The following ATP6V1G3 variants were observed in gnomAD, a reference collection of about 807,000 sequenced individuals.
ATP6V1G3 encodes the protein V-type proton ATPase subunit G 3.
A neutral mutation model predicts 9.3 loss-of-function variants in ATP6V1G3; 9 were observed. That is an observed-to-expected ratio of 0.97 (90% CI 0.59 to 1.69). ATP6V1G3 has a LOEUF of 1.69. Ranked by LOEUF, ATP6V1G3 falls within the 40% of genes most tolerant of loss-of-function variation. The pLI is 0.00. For synonymous variants in ATP6V1G3, 43 were observed against 43.8 expected, an observed-to-expected ratio of 0.98 and a Z score of 0.07; for missense variants, 133 against 139.0, an observed-to-expected ratio of 0.96 and a Z score of 0.22.
rs755062618 is a variant in ATP6V1G3, at chr1:198,540,629, T to C, written c.22A>G (p.Ile8Val). The C allele has an allele frequency of 7.4e-6, 12 of 1,613,978 alleles. No homozygotes were observed. Among genetic ancestry groups the C allele is most frequent in the Non-Finnish European group, 1.0e-5 (12 of 1,179,964 alleles). ...TTTTCTGCCTGAAGAAGCTGGTGGATCCCCTGAGACTGGCTTGTCATGGTA... is the reference window on the plus strand; with the variant it reads ...TTTTCTGCCTGAAGAAGCTGGTGGACCCCCTGAGACTGGCTTGTCATGGTA... MTSQSQG[I>V]HQLLQAEKRA... The change falls in exon 1 of 3, where the codon ATC (isoleucine) becomes GTC (valine). Residue 8 changes from isoleucine (I) to valine (V), a missense_variant. Ile to Val is a conservative substitution (Grantham distance 29). Transcript: ENST00000367382.
intron 2 of ATP6V1G3, among the ~76,000 whole-genome samples, chr1:198,528,478 C>A (rs945117623): frequency 6.6e-6 from 1 of 152,016 alleles, no homozygotes; most frequent in Non-Finnish European, 1.5e-5. Flanking sequence ...AGGAGGGTGT[C>A]CGCTCCAAAG....
chr1:198,524,310 AG>A (rs888761299), intron 2 of ATP6V1G3, among the ~76,000 whole-genome samples: 6 of 151,932 alleles, frequency 3.9e-5, no homozygotes, highest in Non-Finnish European at 8.8e-5. Context: ...TTTTTAGTAG[AG>A]ACCGGGTTTC....
chr1:198,534,059 A>T (rs1571718649), intron 1 of ATP6V1G3, among the ~76,000 whole-genome samples: 1 of 152,186 alleles, frequency 6.6e-6, no homozygotes, highest in Non-Finnish European at 1.5e-5. Context: ...AGAAAATAAA[A>T]TAAGGGCTCA....
chr1:198,538,557 A>C (rs1274102840), intron 1 of ATP6V1G3, among the ~76,000 whole-genome samples: 1 of 152,138 alleles, frequency 6.6e-6, no homozygotes, highest in African/African-American at 2.4e-5. Context: ...CATAACTATC[A>C]CATCTTTAAA....
At chr1:198,529,053 A>G in intron 2 of ATP6V1G3, 28 bp downstream of exon 2, 1 of 1,104,212 alleles carries the variant, frequency 9.1e-7, no homozygotes, top group Non-Finnish European at 1.3e-6. Flanking sequence ...TATTCTGCAT[A>G]AGAAACAGTG....
chr1:198,536,752 A>G (rs776797215), intron 1 of ATP6V1G3: 2 of 1,558,886 alleles, frequency 1.3e-6, no homozygotes, highest in Non-Finnish European at 1.8e-6. Context: ...AACAAATGGA[A>G]TGAGATCATT....
At chr1:198,527,431 T>A (rs1459722890) in intron 2 of ATP6V1G3, among the ~76,000 whole-genome samples, 1 of 152,116 alleles carries the variant, frequency 6.6e-6, no homozygotes, top group African/African-American at 2.4e-5. Context: ...TCTGATAAGA[T>A]TCTTCTGGAG....
chr1:198,524,219 G>T (rs953982214), intron 2 of ATP6V1G3, among the ~76,000 whole-genome samples: 1 of 151,548 alleles, frequency 6.6e-6, no homozygotes, highest in African/African-American at 2.4e-5. Flanking sequence ...TCGCCTCCCA[G>T]GTTCAAGCGA....
At chr1:198,537,599 A>G (rs1422404149) in intron 1 of ATP6V1G3, among the ~76,000 whole-genome samples, 3 of 152,200 alleles carry the variant, frequency 2.0e-5, no homozygotes, top group Admixed American at 6.5e-5. Context: ...TTCTGCCTTA[A>G]TATGTCAGAA....
At chr1:198,524,623 A>G (rs1410786013) in intron 2 of ATP6V1G3, among the ~76,000 whole-genome samples, 1 of 152,162 alleles carries the variant, frequency 6.6e-6, no homozygotes, top group East Asian at 1.9e-4. Flanking sequence ...CTTCTTTATC[A>G]AGGAATGATT....
In ATP6V1G3 at chr1:198,523,337, G is replaced by A. The variant is rs1659516757; in HGVS notation, c.*54C>T. On this transcript the variant is annotated 3_prime_UTR_variant, in exon 3 of 3. Coordinates refer to ENST00000367382, the MANE Select transcript of ATP6V1G3 (RefSeq NM_001376861.1). The stretch of plus-strand genomic sequence containing the variant: ...TCAACATAAAAATACGAAGCCATAA[G>A]CAACCAGGTGGCACTCACACACCTT... 1 of 1,534,960 alleles carries A rather than the reference G, an allele frequency of 6.5e-7. No homozygotes were observed. The highest frequency in any genetic ancestry group is 1.2e-5 in the South Asian group (1 of 82,320).
chr1:198,525,160 A>G (rs1659604846), intron 2 of ATP6V1G3, among the ~76,000 whole-genome samples: 1 of 152,228 alleles, frequency 6.6e-6, no homozygotes, highest in African/African-American at 2.4e-5. Context: ...AAGAAATTTT[A>G]AAATAGAAGA....
intron 2 of ATP6V1G3, among the ~76,000 whole-genome samples, chr1:198,526,685 G>T (rs746725345): frequency 9.9e-5 from 15 of 152,052 alleles, no homozygotes; most frequent in Non-Finnish European, 4.4e-5. Flanking sequence ...AGAGCTTCAG[G>T]TCCCATCACC....
upstream of ATP6V1G3, chr1:198,540,779 C>T: frequency 9.9e-7 from 1 of 1,007,496 alleles, no homozygotes; most frequent in Non-Finnish European, 1.5e-6. Context: ...CTGTTTCAAA[C>T]TGGCTTTATT....
At chr1:198,526,416 C>T (rs1465509106) in intron 2 of ATP6V1G3, among the ~76,000 whole-genome samples, 1 of 152,114 alleles carries the variant, frequency 6.6e-6, no homozygotes, top group Non-Finnish European at 1.5e-5. Flanking sequence ...TTACTGTGTT[C>T]TGTTGCTCAT....
chr1:198,523,654 A>C, intron 2 of ATP6V1G3, 90 bp from the exon 3 acceptor site: 1 of 1,208,442 alleles, frequency 8.3e-7, no homozygotes, highest in Non-Finnish European at 1.1e-6. Flanking sequence ...TGATTGTCCT[A>C]CAATGCACAA....
chr1:198,530,081 A>G (rs1193495806), intron 1 of ATP6V1G3, among the ~76,000 whole-genome samples: 2 of 152,136 alleles, frequency 1.3e-5, no homozygotes, highest in South Asian at 2.1e-4. Context: ...CTAATGCTTC[A>G]TGATCATTAA....
intron 1 of ATP6V1G3, among the ~76,000 whole-genome samples, chr1:198,540,062 T>C (rs1370574523): frequency 1.3e-5 from 2 of 151,398 alleles, no homozygotes; most frequent in African/African-American, 4.9e-5. Flanking sequence ...TCTTAAAAAA[T>C]AAATTAATAA....
intron 1 of ATP6V1G3, among the ~76,000 whole-genome samples, chr1:198,537,555 T>A (rs1025962222): frequency 6.6e-6 from 1 of 152,204 alleles, no homozygotes; most frequent in African/African-American, 2.4e-5. Context: ...TGGTGTTCAC[T>A]ATTGTGACTT....
Sources: gnomAD v4.1 joint callset for allele counts (sites outside exome capture counted in the v4.1 genomes callset) on GRCh38, gnomAD v4.1.1 for gene constraint, MANE v1.5 for transcripts, NCBI Gene and HGNC (gene_info 2026-07-23, HGNC 2026-07-21) for gene names.